PAK3: variants seen among roughly 807,000 people sequenced by gnomAD.
PAK3 encodes the protein serine/threonine-protein kinase PAK 3.
Under a neutral mutation model 41.0 loss-of-function variants are expected in PAK3, and 4 were observed. The observed-to-expected ratio is 0.10, with a 90% CI of 0.05 to 0.22. The LOEUF is 0.22. Ranked by LOEUF, PAK3 falls within the 10% of genes least tolerant of loss-of-function variation. The pLI is 1.00. For synonymous variants in PAK3, 146 were observed against 139.6 expected, an observed-to-expected ratio of 1.05 and a Z score of -0.32; for missense variants, 205 against 409.9, an observed-to-expected ratio of 0.50 and a Z score of 4.32.
At chrX:111,128,091 G>A (rs1333764422) in intron 5 of PAK3, among the ~76,000 whole-genome samples, 1 of 112,508 alleles carries the variant, frequency 8.9e-6, no homozygotes, top group Non-Finnish European at 1.9e-5. Flanking sequence ...GAAAGAAGCA[G>A]GTGAGGCTGC....
intron 1 of PAK3, among the ~76,000 whole-genome samples, chrX:111,061,056 C>T (rs900002775): frequency 8.1e-5 from 9 of 111,320 alleles, no homozygotes; most frequent in African/African-American, 2.9e-4. Context: ...TTGTGTTGAT[C>T]ATCTTTGTCT....
At chrX:111,023,593 A>G (rs1247177647) in intron 1 of PAK3, among the ~76,000 whole-genome samples, 1 of 112,126 alleles carries the variant, frequency 8.9e-6, no homozygotes, top group Non-Finnish European at 1.9e-5. Context: ...TCTAACAGGC[A>G]TGAGATAGTA....
chrX:111,106,735 T>C (rs1229680334), intron 4 of PAK3, among the ~76,000 whole-genome samples: 2 of 112,112 alleles, frequency 1.8e-5, no homozygotes, highest in Non-Finnish European at 3.8e-5. Context: ...CAGTTGTCTC[T>C]TTTTTCTTTG....
chrX:111,188,531 C>T (rs1471815242), intron 11 of PAK3, among the ~76,000 whole-genome samples: 1 of 111,624 alleles, frequency 9.0e-6, no homozygotes, highest in Admixed American at 9.5e-5. Flanking sequence ...GGATGTGGAA[C>T]CTCTAAAACG....
intron 1 of PAK3, among the ~76,000 whole-genome samples, chrX:111,001,064 G>A (rs1346419107): frequency 9.0e-6 from 1 of 111,710 alleles, no homozygotes; most frequent in East Asian, 2.8e-4. Flanking sequence ...CGAGGGAAAT[G>A]CAAAGGTGCT....
chrX:111,084,626 A>G (rs373275327), intron 1 of PAK3, among the ~76,000 whole-genome samples: 4 of 111,648 alleles, frequency 3.6e-5, no homozygotes, highest in South Asian at 7.5e-4. Context: ...TGGATGGATG[A>G]CACCCATTTT....
chrX:111,175,569 G>C (rs1378918291), intron 11 of PAK3, among the ~76,000 whole-genome samples: 1 of 111,311 alleles, frequency 9.0e-6, no homozygotes, highest in Non-Finnish European at 1.9e-5. Flanking sequence ...AATTCGTAAA[G>C]TGTTTTTCCA....
intron 1 of PAK3, among the ~76,000 whole-genome samples, chrX:110,991,577 T>C (rs756528892): frequency 2.7e-5 from 3 of 112,250 alleles, no homozygotes; most frequent in Non-Finnish European, 5.6e-5. Context: ...GCCTGGTACA[T>C]GATAAGCATT....
At chrX:111,175,032 T>G (rs1483512571) in intron 11 of PAK3, among the ~76,000 whole-genome samples, 1 of 111,666 alleles carries the variant, frequency 9.0e-6, no homozygotes, top group Non-Finnish European at 1.9e-5. Context: ...TCAGCTCTCC[T>G]TCTTCATGCC....
intron 16 of PAK3, among the ~76,000 whole-genome samples, chrX:111,202,662 A>G (rs1020660551): frequency 2.7e-5 from 3 of 111,926 alleles, no homozygotes; most frequent in African/African-American, 9.7e-5. Context: ...TTTGTCAAAC[A>G]AAACTTTGGT....
intron 1 of PAK3, among the ~76,000 whole-genome samples, chrX:111,062,878 A>C (rs2092669172): frequency 9.3e-6 from 1 of 107,413 alleles, no homozygotes; most frequent in Admixed American, 1.0e-4. Flanking sequence ...GACAAAGAGC[A>C]TTCCCTTGGA....
intron 1 of PAK3, among the ~76,000 whole-genome samples, chrX:111,034,046 A>G (rs1033973298): frequency 7.2e-5 from 8 of 111,693 alleles, no homozygotes; most frequent in African/African-American, 2.6e-4. Flanking sequence ...TGCCATACAC[A>G]CAAACACACA....
At chrX:111,166,229 C>T (rs955340998) in intron 10 of PAK3, among the ~76,000 whole-genome samples, 4 of 111,533 alleles carry the variant, frequency 3.6e-5, no homozygotes, top group African/African-American at 1.3e-4. Flanking sequence ...ACGCCTTTGT[C>T]TAAGGAAAAC....
intron 3 of PAK3, among the ~76,000 whole-genome samples, chrX:111,098,293 C>T (rs1334926550): frequency 2.0e-5 from 2 of 100,448 alleles, no homozygotes; most frequent in East Asian, 6.3e-4. Context: ...TGTTCAGAGA[C>T]TAAGCTACTA....
intron 1 of PAK3, among the ~76,000 whole-genome samples, chrX:110,956,382 T>C (rs1210662353): frequency 9.0e-6 from 1 of 111,654 alleles, no homozygotes; most frequent in African/African-American, 3.3e-5. Context: ...AGAGGACTTG[T>C]GGATCCCTTG....
chrX:111,045,381 A>AT (rs1415672576), intron 1 of PAK3, among the ~76,000 whole-genome samples: 1 of 112,252 alleles, frequency 8.9e-6, no homozygotes, highest in Non-Finnish European at 1.9e-5. Context: ...ATTTTCTGGC[A>AT]TTTTGAGCAC....
intron 1 of PAK3, among the ~76,000 whole-genome samples, chrX:111,024,491 C>A (rs1329888055): frequency 9.0e-6 from 1 of 110,597 alleles, no homozygotes; most frequent in Non-Finnish European, 1.9e-5. Flanking sequence ...GGCAGTTTGG[C>A]CATTTTCACA....
chrX:111,075,052 G>A (rs764956582), intron 1 of PAK3, among the ~76,000 whole-genome samples: 4 of 111,612 alleles, frequency 3.6e-5, no homozygotes, highest in Non-Finnish European at 5.6e-5. Context: ...CAGGAGCAAC[G>A]AAATGACTTA....
intron 1 of PAK3, among the ~76,000 whole-genome samples, chrX:111,058,041 A>G (rs938288117): frequency 8.9e-6 from 1 of 112,312 alleles, no homozygotes; most frequent in African/African-American, 3.2e-5. Flanking sequence ...ATAATATTCC[A>G]TTGTATGGAT....
Sources: allele counts gnomAD v4.1 joint callset (sites outside exome capture counted in the v4.1 genomes callset), GRCh38; gene constraint gnomAD v4.1.1; transcripts MANE v1.5; gene names NCBI Gene and HGNC (gene_info 2026-07-23, HGNC 2026-07-21).